Variants in FBXL7 observed in about 807,000 individuals in gnomAD.
FBXL7 encodes F-box/LRR-repeat protein 7.
A neutral mutation model predicts 38.3 loss-of-function variants in FBXL7; 12 were observed. That is an observed-to-expected ratio of 0.31 (90% CI 0.20 to 0.51). FBXL7 has a LOEUF of 0.51. Ranked by LOEUF, FBXL7 falls within the 20% of genes least tolerant of loss-of-function variation. The pLI is 0.98. For synonymous variants in FBXL7, 297 were observed against 300.9 expected (o/e 0.99, Z 0.13); for missense variants, 567 against 676.4 (o/e 0.84, Z 1.79).
At chr5:15,920,513 A>G (rs1741711753) in intron 2 of FBXL7, among the ~76,000 whole-genome samples, 1 of 150,468 alleles carries the variant, frequency 6.6e-6, no homozygotes, top group African/African-American at 2.5e-5. Context: ...TGGGTTTGTT[A>G]TTTTTTGTTT....
chr5:15,555,428 G>A (rs973221202), intron 1 of FBXL7, among the ~76,000 whole-genome samples: 5 of 152,262 alleles, frequency 3.3e-5, no homozygotes, highest in Middle Eastern at 6.8e-3. Flanking sequence ...GTTACAAGCC[G>A]TAGTTGGGCT....
chr5:15,554,230 T>C (rs1405605308), intron 1 of FBXL7, among the ~76,000 whole-genome samples: 2 of 152,046 alleles, frequency 1.3e-5, no homozygotes, highest in African/African-American at 4.8e-5. Context: ...GCATATTCTG[T>C]CTCAAGGTCA....
intron 2 of FBXL7, among the ~76,000 whole-genome samples, chr5:15,759,549 G>C (rs1445259945): frequency 6.6e-6 from 1 of 152,004 alleles, no homozygotes; most frequent in Non-Finnish European, 1.5e-5. Flanking sequence ...CTGAAATTAT[G>C]CTTTGTAAAA....
intron 2 of FBXL7, among the ~76,000 whole-genome samples, chr5:15,829,143 A>C (rs990659621): frequency 2.0e-5 from 3 of 152,192 alleles, no homozygotes; most frequent in African/African-American, 7.2e-5. Context: ...ATTAAGTGAC[A>C]ATGGATTTTC....
chr5:15,661,071 A>G (rs1176212136), intron 2 of FBXL7, among the ~76,000 whole-genome samples: 1 of 152,224 alleles, frequency 6.6e-6, no homozygotes, highest in Non-Finnish European at 1.5e-5. Flanking sequence ...TGAAGCTGCT[A>G]GACAGTCCAT....
chr5:15,733,825 A>T (rs1561104543), intron 2 of FBXL7, among the ~76,000 whole-genome samples: 1 of 152,292 alleles, frequency 6.6e-6, no homozygotes, highest in South Asian at 2.1e-4. Flanking sequence ...TAGCTTGTTA[A>T]TGGCCGGGTG....
chr5:15,508,500 G>A (rs1273291153), intron 1 of FBXL7, among the ~76,000 whole-genome samples: 2 of 152,178 alleles, frequency 1.3e-5, no homozygotes, highest in African/African-American at 4.8e-5. Context: ...TCGTAGCTGG[G>A]CTACCTAAGG....
intron 2 of FBXL7, among the ~76,000 whole-genome samples, chr5:15,749,014 T>G (rs1736085348): frequency 6.6e-6 from 1 of 150,926 alleles, no homozygotes; most frequent in South Asian, 2.1e-4. Context: ...GGAGGCTGAG[T>G]GGGGCAGATT....
chr5:15,601,659 A>G lies in FBXL7; in HGVS notation c.38-14324A>G, dbSNP rs1340145058. 6.6e-5 allele frequency among the ~76,000 whole-genome samples: 10 copies of G among 152,302 alleles called. No homozygotes were observed. In the East Asian group the frequency reaches 1.9e-3, roughly 29 times the overall value. On this transcript the variant is annotated intron_variant, in intron 1 of 3. Coordinates refer to ENST00000504595, the MANE Select transcript of FBXL7 (RefSeq NM_012304.5). ...AGCTGGGGGACTCTTTGAGATTTCTAGCATTCCACGATACATTCAATCTTA... is the reference window on the plus strand; with the variant it reads ...AGCTGGGGGACTCTTTGAGATTTCTGGCATTCCACGATACATTCAATCTTA...
chr5:15,866,036 A>T lies in FBXL7; in HGVS notation c.128-61854A>T, dbSNP rs975056886. Among the ~76,000 whole-genome samples, 20 of 152,258 alleles carry T rather than the reference A, an allele frequency of 1.3e-4. No homozygotes were observed. In the South Asian group the frequency reaches 2.5e-3, roughly 19 times the overall value. ...TATCTTTAAAGATGACAACAATGGG[A>T]CCCCTTAGACCAGAAGGCCCACCAT... On this transcript the variant is annotated intron_variant, in intron 2 of 3. Coordinates refer to ENST00000504595, the MANE Select transcript of FBXL7 (RefSeq NM_012304.5).
intron 2 of FBXL7, among the ~76,000 whole-genome samples, chr5:15,625,910 G>T (rs1269022643): frequency 6.6e-6 from 1 of 152,008 alleles, no homozygotes; most frequent in Non-Finnish European, 1.5e-5. Context: ...ATGAGAGAAA[G>T]AAAATGATGC....
At chr5:15,868,288 C>T (rs951307008) in intron 2 of FBXL7, among the ~76,000 whole-genome samples, 6 of 152,104 alleles carry the variant, frequency 3.9e-5, no homozygotes, top group African/African-American at 1.4e-4. Context: ...ATGAGTTTGC[C>T]TCTAGAACCT....
intron 1 of FBXL7, among the ~76,000 whole-genome samples, chr5:15,540,470 C>T (rs1312531749): frequency 6.6e-6 from 1 of 152,116 alleles, no homozygotes; most frequent in Non-Finnish European, 1.5e-5. Flanking sequence ...CCATCTCCTA[C>T]CAATGAGGCC....
chr5:15,905,839 C>A (rs748273946), intron 2 of FBXL7, among the ~76,000 whole-genome samples: 1 of 152,078 alleles, frequency 6.6e-6, no homozygotes, highest in Non-Finnish European at 1.5e-5. Context: ...TTAATACACT[C>A]AATCTACCCT....
intron 1 of FBXL7, among the ~76,000 whole-genome samples, chr5:15,515,989 A>G (rs963048584): frequency 2.0e-4 from 31 of 152,202 alleles, no homozygotes; most frequent in African/African-American, 7.5e-4. Context: ...TCCAGGTTTT[A>G]TATAGTTTCC....
At chr5:15,668,368 T>TTGTG (rs148728974) in intron 2 of FBXL7, among the ~76,000 whole-genome samples, 5,272 of 145,688 alleles carry the variant, frequency 0.036, 93 homozygotes, top group Middle Eastern at 0.051. Context: ...ATATTTGTGT[T>TTGTG]TGTGTGTGTG....
intron 3 of FBXL7, chr5:15,935,201 C>T (rs1297663561): frequency 1.9e-6 from 1 of 534,762 alleles, no homozygotes; most frequent in Non-Finnish European, 3.8e-6. Context: ...CTTGGGAGCC[C>T]TGTTAGACTC....
chr5:15,690,120 A>T (rs781244491), intron 2 of FBXL7, among the ~76,000 whole-genome samples: 29 of 152,182 alleles, frequency 1.9e-4, no homozygotes, highest in Non-Finnish European at 3.2e-4. Context: ...ATGTAGGAAG[A>T]TCCTTTTCTA....
At chr5:15,725,996 G>A (rs973435185) in intron 2 of FBXL7, among the ~76,000 whole-genome samples, 13 of 152,120 alleles carry the variant, frequency 8.5e-5, no homozygotes, top group African/African-American at 3.1e-4. Flanking sequence ...GTAGAACTGT[G>A]TATTTCTGTC....
Sources: allele counts gnomAD v4.1 joint callset (sites outside exome capture counted in the v4.1 genomes callset), GRCh38; gene constraint gnomAD v4.1.1; transcripts MANE v1.5; gene names NCBI Gene and HGNC (gene_info 2026-07-23, HGNC 2026-07-21).